The following ALX1 variants were observed in gnomAD, a reference collection of about 807,000 sequenced individuals.
The protein encoded by ALX1 is ALX homeobox 1.
A neutral mutation model predicts 31.7 loss-of-function variants in ALX1; 19 were observed. That is an observed-to-expected ratio of 0.60 (90% CI 0.42 to 0.88). The LOEUF (loss-of-function observed/expected upper bound fraction) is 0.88, where lower values mean the gene tolerates loss of function less well. Among genes scored for constraint, ALX1 ranks in the 40% least tolerant of loss-of-function variants. ALX1 has a pLI of 0.00. For missense variants in ALX1, 415 were observed against 407.8 expected, an observed-to-expected ratio of 1.02 and a Z score of -0.15; for synonymous variants, 153 against 148.8, an observed-to-expected ratio of 1.03 and a Z score of -0.20.
chr12:85,297,912 C>T (rs1040338142), intron 3 of ALX1, among the ~76,000 whole-genome samples: 6 of 151,510 alleles, frequency 4.0e-5, no homozygotes, highest in Non-Finnish European at 8.9e-5. Flanking sequence ...TATTATGAAA[C>T]AAAAATTTTG....
chr12:85,289,263 CT>C (rs1340246484), intron 3 of ALX1, among the ~76,000 whole-genome samples: 3 of 151,134 alleles, frequency 2.0e-5, no homozygotes, highest in African/African-American at 7.3e-5. Flanking sequence ...GAATCTAAAA[CT>C]TTATACAGCT....
At position 85,301,197 on chromosome 12, in the gene ALX1, G is replaced by C. The variant is rs1190445275; in HGVS notation, c.703G>C (p.Val235Leu). 1.9e-6 allele frequency: 3 copies of C among 1,614,022 alleles called. No homozygotes were observed. The highest frequency in any genetic ancestry group is 2.5e-6 in the Non-Finnish European group (3 of 1,179,922). The change falls in exon 4 of 4, where the codon GTG (valine) becomes CTG (leucine). Residue 235 changes from valine (V) to leucine (L), a missense_variant. Physicochemically the swap from Val to Leu is conservative, Grantham distance 32. Coordinates refer to ENST00000316824, the MANE Select transcript of ALX1 (RefSeq NM_006982.3). The part of the protein sequence containing the change: ...LWAGNASGGS[V>L]VTSCMLPRDT... ...GGCAGGAAATGCAAGTGGTGGTTCT[G>C]TGGTTACTTCATGCATGTTACCACG...
intron 3 of ALX1, among the ~76,000 whole-genome samples, chr12:85,293,375 AT>A (rs1896844831): frequency 6.6e-6 from 1 of 150,438 alleles, no homozygotes; most frequent in South Asian, 2.1e-4. Context: ...TTTTGTTGAA[AT>A]ATTTTAATTT....
At chr12:85,287,037 C>T (rs1896758102) in intron 3 of ALX1, 56 bp downstream of exon 3, 2 of 1,592,738 alleles carry the variant, frequency 1.3e-6, no homozygotes, top group Admixed American at 3.3e-5. Flanking sequence ...TTTGTATATT[C>T]TTAAAATGGT....
chr12:85,290,583 A>G (rs1355280964), intron 3 of ALX1, among the ~76,000 whole-genome samples: 1 of 151,288 alleles, frequency 6.6e-6, no homozygotes, highest in Non-Finnish European at 1.5e-5. Flanking sequence ...CGTGATGTTC[A>G]TATTTAAATA....
chr12:85,287,454 T>A (rs933843383), intron 3 of ALX1, among the ~76,000 whole-genome samples: 4 of 125,576 alleles, frequency 3.2e-5, no homozygotes, highest in Admixed American at 7.4e-5. Context: ...TTTTTCTATG[T>A]TTTTTTTTTT....
intron 3 of ALX1, among the ~76,000 whole-genome samples, chr12:85,296,421 C>T (rs1896887756): frequency 6.6e-6 from 1 of 151,390 alleles, no homozygotes; most frequent in South Asian, 2.1e-4. Flanking sequence ...ATAAATAAGA[C>T]AAAAATAAAA....
chr12:85,280,911 A>G (rs1187998188), intron 1 of ALX1, among the ~76,000 whole-genome samples: 1 of 151,562 alleles, frequency 6.6e-6, no homozygotes, highest in Admixed American at 6.6e-5. Flanking sequence ...AGAGTACGTC[A>G]CTGTCGTCAC....
chr12:85,290,612 T>C (rs1896805702), intron 3 of ALX1, among the ~76,000 whole-genome samples: 1 of 151,334 alleles, frequency 6.6e-6, no homozygotes, highest in South Asian at 2.1e-4. Context: ...TAGTATATTT[T>C]GATGTACTGA....
intron 2 of ALX1, among the ~76,000 whole-genome samples, chr12:85,284,851 T>C (rs1361191479): frequency 1.3e-5 from 2 of 152,026 alleles, no homozygotes; most frequent in African/African-American, 2.4e-5. Context: ...ACTGCTAAAA[T>C]GGGGGAATGA....
intron 3 of ALX1, among the ~76,000 whole-genome samples, chr12:85,292,278 C>G (rs532829704): frequency 1.3e-5 from 2 of 150,938 alleles, no homozygotes; most frequent in African/African-American, 4.8e-5. Context: ...AAACCAAATA[C>G]GGTAACTTTA....
chr12:85,283,496 T>C, intron 1 of ALX1, 76 bp from the exon 2 acceptor site: 1 of 1,481,092 alleles, frequency 6.8e-7, no homozygotes, highest in Non-Finnish European at 9.4e-7. Context: ...ATACTCTCAA[T>C]TACTTCTACT....
rs924250436 is a variant in ALX1, at chr12:85,287,046, G to T, written c.660+65G>T. 25 of 1,571,842 alleles carry T rather than the reference G, an allele frequency of 1.6e-5. No individual in the cohort carries two copies. The Admixed American group carries it at 3.2e-4, about 20-fold the overall frequency. On this transcript the variant is annotated intron_variant, in intron 3 of 3. Transcript: ENST00000316824. ...ATTTGGTTTGTATATTCTTAAAATG[G>T]TTAGCATAGGCTTTATTATATGTAA...
chr12:85,298,946 T>A (rs1203874930), intron 3 of ALX1, among the ~76,000 whole-genome samples: 1 of 151,742 alleles, frequency 6.6e-6, no homozygotes, highest in African/African-American at 2.4e-5. Flanking sequence ...TTAATTTATA[T>A]CTATAGGTTA....
chr12:85,283,984 A>T, intron 2 of ALX1, 108 bp downstream of exon 2: 1 of 1,256,750 alleles, frequency 8.0e-7, no homozygotes, highest in Non-Finnish European at 1.1e-6. Context: ...TCCCTAGCTG[A>T]AGATGAGAAA....
At chr12:85,297,233 A>G (rs1896901025) in intron 3 of ALX1, among the ~76,000 whole-genome samples, 1 of 151,656 alleles carries the variant, frequency 6.6e-6, no homozygotes, top group Non-Finnish European at 1.5e-5. Flanking sequence ...TCCTACAGCA[A>G]TCAGATGATA....
chr12:85,288,809 G>T (rs960794311), intron 3 of ALX1, among the ~76,000 whole-genome samples: 4 of 151,372 alleles, frequency 2.6e-5, no homozygotes, highest in Admixed American at 6.6e-5. Flanking sequence ...CTCTACCTGT[G>T]AATATATTTA....
chr12:85,287,237 G>A (rs1896760346), intron 3 of ALX1, among the ~76,000 whole-genome samples: 1 of 151,600 alleles, frequency 6.6e-6, no homozygotes, highest in African/African-American at 2.4e-5. Context: ...TGCCACCAAT[G>A]AAATAGCATC....
At chr12:85,297,410 G>T (rs1896904604) in intron 3 of ALX1, among the ~76,000 whole-genome samples, 1 of 151,618 alleles carries the variant, frequency 6.6e-6, no homozygotes, top group African/African-American at 2.4e-5. Context: ...GGAGAAAAAG[G>T]ATTTGGGGGT....
Sources: allele counts gnomAD v4.1 joint callset (sites outside exome capture counted in the v4.1 genomes callset), GRCh38; gene constraint gnomAD v4.1.1; transcripts MANE v1.5; gene names NCBI Gene and HGNC (gene_info 2026-07-23, HGNC 2026-07-21).